SGCZ: variants seen among roughly 807,000 people sequenced by gnomAD.
The protein encoded by SGCZ is sarcoglycan zeta.
SGCZ carries 40 observed loss-of-function variants against 41.3 expected under a neutral mutation model. The ratio of observed to expected loss-of-function variants is 0.97; its 90% CI spans 0.75 to 1.26. The LOEUF is 1.26. SGCZ is among the 50% of genes most tolerant of loss of function. The pLI is 0.00. For missense variants in SGCZ, 552 were observed against 369.8 expected, an observed-to-expected ratio of 1.49 and a Z score of -4.04; for synonymous variants, 206 against 137.5, an observed-to-expected ratio of 1.50 and a Z score of -3.49.
At chr8:14,188,678 G>A (rs963722511) in intron 4 of SGCZ, among the ~76,000 whole-genome samples, 3 of 152,050 alleles carry the variant, frequency 2.0e-5, no homozygotes, top group African/African-American at 7.2e-5. Flanking sequence ...TTAAATGGAT[G>A]AATTGTATGA....
At chr8:14,244,550 G>C (rs1365628500) in intron 3 of SGCZ, among the ~76,000 whole-genome samples, 2 of 151,902 alleles carry the variant, frequency 1.3e-5, no homozygotes, top group Non-Finnish European at 2.9e-5. Flanking sequence ...TTGTTCTTTT[G>C]GCTTAGGATT....
intron 2 of SGCZ, among the ~76,000 whole-genome samples, chr8:14,350,629 G>T (rs991951815): frequency 2.0e-5 from 3 of 151,988 alleles, no homozygotes; most frequent in Non-Finnish European, 2.9e-5. Flanking sequence ...CCACTCTGAA[G>T]GTCAATTACT....
At chr8:14,177,870 C>G (rs563741358) in intron 4 of SGCZ, among the ~76,000 whole-genome samples, 1 of 151,176 alleles carries the variant, frequency 6.6e-6, no homozygotes, top group East Asian at 2.0e-4. Flanking sequence ...TTTTAAACTA[C>G]TGGTCTTGAG....
At chr8:14,260,723 T>C (rs1273103292) in intron 3 of SGCZ, among the ~76,000 whole-genome samples, 1 of 152,118 alleles carries the variant, frequency 6.6e-6, no homozygotes, top group Non-Finnish European at 1.5e-5. Context: ...ATAGACTGGA[T>C]TAAGAAAATG....
At chr8:15,191,206 A>G (rs1800526045) in intron 1 of SGCZ, among the ~76,000 whole-genome samples, 2 of 152,244 alleles carry the variant, frequency 1.3e-5, no homozygotes, top group South Asian at 4.1e-4. Context: ...CAACTAATAA[A>G]TCACTAGGGT....
intron 2 of SGCZ, among the ~76,000 whole-genome samples, chr8:14,411,496 T>C (rs1450628501): frequency 6.6e-6 from 1 of 152,048 alleles, no homozygotes; most frequent in Non-Finnish European, 1.5e-5. Flanking sequence ...CGAGGGAAGA[T>C]TGAGAATGTG....
intron 1 of SGCZ, among the ~76,000 whole-genome samples, chr8:14,727,505 T>C (rs894944005): frequency 2.6e-5 from 4 of 151,092 alleles, no homozygotes; most frequent in African/African-American, 7.4e-5. Context: ...TGAAAGCATG[T>C]ACAATAATGC....
intron 1 of SGCZ, among the ~76,000 whole-genome samples, chr8:14,647,553 G>A (rs1240536858): frequency 6.6e-6 from 1 of 151,848 alleles, no homozygotes; most frequent in Non-Finnish European, 1.5e-5. Flanking sequence ...GCAATGGTAC[G>A]AGCCTTCTTC....
chr8:15,168,579 T>C (rs115400335), intron 1 of SGCZ, among the ~76,000 whole-genome samples: 2,590 of 152,242 alleles, frequency 0.017, 65 homozygotes, highest in African/African-American at 0.057. Flanking sequence ...GAAGACGCTC[T>C]TCCCTGTCTC....
chr8:14,592,086 G>A (rs549622484), intron 1 of SGCZ, among the ~76,000 whole-genome samples: 8 of 152,260 alleles, frequency 5.3e-5, no homozygotes, highest in African/African-American at 1.9e-4. Context: ...CTTGAAAAAT[G>A]TCAATGCCAG....
chr8:14,331,630 T>C (rs1359052368), intron 2 of SGCZ, among the ~76,000 whole-genome samples: 2 of 152,122 alleles, frequency 1.3e-5, no homozygotes, highest in African/African-American at 4.8e-5. Context: ...TTTTTATAGA[T>C]TGCTGTTAAT....
intron 1 of SGCZ, among the ~76,000 whole-genome samples, chr8:14,759,640 C>G (rs1324787626): frequency 1.3e-5 from 2 of 152,144 alleles, no homozygotes; most frequent in Non-Finnish European, 2.9e-5. Context: ...ATCATACTGA[C>G]AGATCTACAG....
chr8:14,833,262 C>G (rs763016392), intron 1 of SGCZ, among the ~76,000 whole-genome samples: 1 of 152,020 alleles, frequency 6.6e-6, no homozygotes, highest in Non-Finnish European at 1.5e-5. Context: ...GCAGAGATGA[C>G]AAATTCAAGC....
chr8:14,324,185 C>G lies in SGCZ; in HGVS notation c.254G>C (p.Arg85Thr), dbSNP rs1585363695. Reference sequence around the variant, plus strand: ...AAGTCGGATTCCCTTCTTGGTGACTCTCAGATTTCCCATACCATCCTACAA... The same window carrying G: ...AAGTCGGATTCCCTTCTTGGTGACTGTCAGATTTCCCATACCATCCTACAA... Reference protein sequence around the residue: ...NFTVDGMGNLRVTKKGIRLEG... With the variant: ...NFTVDGMGNLTVTKKGIRLEG... The change falls in exon 3 of 8, where the codon AGA becomes ACA. Residue 85 changes from arginine (R) to threonine (T), a missense_variant. Transcript: ENST00000382080. 1.9e-6 allele frequency: 3 copies of G among 1,612,498 alleles called. No individual in the cohort carries two copies. The highest frequency in any genetic ancestry group is 2.5e-6 in the Non-Finnish European group (3 of 1,179,010).
intron 1 of SGCZ, among the ~76,000 whole-genome samples, chr8:14,646,910 G>C (rs1422135442): frequency 2.0e-5 from 3 of 151,846 alleles, no homozygotes; most frequent in Non-Finnish European, 2.9e-5. Context: ...CAAAAATAAA[G>C]AAGACTTTAT....
At chr8:14,460,747 A>C (rs1194490432) in intron 2 of SGCZ, among the ~76,000 whole-genome samples, 1 of 152,196 alleles carries the variant, frequency 6.6e-6, no homozygotes, top group Admixed American at 6.6e-5. Context: ...AAAAGGTACA[A>C]TAGCAAGATG....
intron 1 of SGCZ, among the ~76,000 whole-genome samples, chr8:14,857,552 T>C (rs572376989): frequency 2.0e-4 from 31 of 152,268 alleles, no homozygotes; most frequent in South Asian, 8.3e-4. Context: ...CAGAATCACC[T>C]AAAATGTGTT....
intron 1 of SGCZ, among the ~76,000 whole-genome samples, chr8:14,784,927 T>TATA: frequency 1.3e-5 from 1 of 76,746 alleles, no homozygotes; most frequent in South Asian, 4.4e-4. Flanking sequence ...TATATATATA[T>TATA]ATATATAAAA....
intron 1 of SGCZ, among the ~76,000 whole-genome samples, chr8:15,138,002 GAGGGGGACTGTACCCTACAA>G (rs1272352912): frequency 6.6e-6 from 1 of 152,162 alleles, no homozygotes; most frequent in Non-Finnish European, 1.5e-5. Context: ...AGCAGTCCCG[GAGGGGGACTGTACCCTACAA>G]AGCCACAGGG....
Sources: gnomAD v4.1 joint callset for allele counts (sites outside exome capture counted in the v4.1 genomes callset) on GRCh38, gnomAD v4.1.1 for gene constraint, MANE v1.5 for transcripts, NCBI Gene and HGNC (gene_info 2026-07-23, HGNC 2026-07-21) for gene names.